The following LRRTM4 variants were observed in gnomAD, a reference collection of about 807,000 sequenced individuals.
The protein encoded by LRRTM4 is leucine-rich repeat transmembrane neuronal protein 4.
LRRTM4 carries 25 observed loss-of-function variants against 47.6 expected under a neutral mutation model. That is an observed-to-expected ratio of 0.53 (90% CI 0.38 to 0.73). The LOEUF (loss-of-function observed/expected upper bound fraction) is 0.73, where lower values mean the gene tolerates loss of function less well. Among genes scored for constraint, LRRTM4 ranks in the 30% least tolerant of loss-of-function variants. The pLI, the probability that LRRTM4 is intolerant of heterozygous loss-of-function variation, is 0.00. For synonymous variants in LRRTM4, 311 were observed against 269.5 expected, an observed-to-expected ratio of 1.15 and a Z score of -1.51; for missense variants, 638 against 713.4, an observed-to-expected ratio of 0.89 and a Z score of 1.20.
At chr2:77,300,009 G>C (rs970883209) in intron 3 of LRRTM4, among the ~76,000 whole-genome samples, 1 of 151,742 alleles carries the variant, frequency 6.6e-6, no homozygotes, top group Non-Finnish European at 1.5e-5. Flanking sequence ...GCGCCACCAC[G>C]CCCAGCTAAT....
rs771890946 is a variant in LRRTM4, at chr2:77,326,323, G to A, written c.1551+191995C>T. On this transcript the variant is annotated intron_variant, in intron 3 of 3. Transcript: ENST00000409884. ...CTTGTTAATCTGTCTTCTGTTATAG[G>A]AGCCTCAGGCACAAACCTAGAAATT... Among the ~76,000 whole-genome samples the A allele has an allele frequency of 9.9e-5, 15 of 152,176 alleles. 1 individual carries two copies. The South Asian group carries it at 3.1e-3, about 32-fold the overall frequency.
At chr2:76,964,728 C>A (rs1675967517) in intron 3 of LRRTM4, among the ~76,000 whole-genome samples, 1 of 147,420 alleles carries the variant, frequency 6.8e-6, no homozygotes, top group African/African-American at 2.5e-5. Context: ...AGAACAGAAA[C>A]AATTAAAACT....
chr2:76,865,704 C>G (rs1449965939), intron 3 of LRRTM4, among the ~76,000 whole-genome samples: 7 of 152,036 alleles, frequency 4.6e-5, no homozygotes. Context: ...AGGAATAAAT[C>G]AGAGAGAAGT....
chr2:77,207,866 C>CTT (rs754540782), intron 3 of LRRTM4, among the ~76,000 whole-genome samples: 1,790 of 42,582 alleles, frequency 0.042, 541 homozygotes, highest in African/African-American at 0.14. Flanking sequence ...GGGAAAGTGG[C>CTT]TTTTTTTTTT....
intron 3 of LRRTM4, among the ~76,000 whole-genome samples, chr2:76,780,622 G>A (rs1002163386): frequency 6.6e-6 from 1 of 151,916 alleles, no homozygotes; most frequent in South Asian, 2.1e-4. Context: ...CCTCCTTTAA[G>A]CACTTCTCTG....
rs138859221 is a variant in LRRTM4, at chr2:77,061,267, T to A, written c.1552-312351A>T. Among the ~76,000 whole-genome samples, 25 of 152,290 alleles carry A rather than the reference T, an allele frequency of 1.6e-4. No individual in the cohort carries two copies. In the East Asian group the frequency reaches 4.6e-3, roughly 28 times the overall value. ...AATTATTGTGTTTATACTTGGCCAA[T>A]CTTGAAAATAAGTTTATATTGCTAA... On this transcript the variant is annotated intron_variant, in intron 3 of 3. Transcript: ENST00000409884.
chr2:76,952,581 A>G (rs1402067940), intron 3 of LRRTM4, among the ~76,000 whole-genome samples: 2 of 151,980 alleles, frequency 1.3e-5, no homozygotes, highest in Non-Finnish European at 1.5e-5. Flanking sequence ...ACACTTATAC[A>G]CTGTTTGTGG....
At chr2:76,780,399 A>G (rs1033018671) in intron 3 of LRRTM4, among the ~76,000 whole-genome samples, 9 of 152,136 alleles carry the variant, frequency 5.9e-5, no homozygotes, top group African/African-American at 2.2e-4. Flanking sequence ...CAGGTACACC[A>G]ATCAGACGTA....
intron 3 of LRRTM4, among the ~76,000 whole-genome samples, chr2:76,805,884 C>G (rs1053147642): frequency 2.0e-5 from 3 of 152,088 alleles, no homozygotes; most frequent in Non-Finnish European, 2.9e-5. Flanking sequence ...CTTAGAGGTG[C>G]TGTTTTCCCT....
At chr2:77,092,831 G>A (rs1193718678) in intron 3 of LRRTM4, among the ~76,000 whole-genome samples, 1 of 142,154 alleles carries the variant, frequency 7.0e-6, no homozygotes, top group Non-Finnish European at 1.5e-5. Context: ...CAGGCTCTTA[G>A]TATTCAGCGA....
intron 3 of LRRTM4, among the ~76,000 whole-genome samples, chr2:76,969,524 T>C (rs1319819200): frequency 6.6e-6 from 1 of 151,888 alleles, no homozygotes; most frequent in African/African-American, 2.4e-5. Context: ...AAACCTATTA[T>C]TGGAACCTGT....
intron 3 of LRRTM4, among the ~76,000 whole-genome samples, chr2:77,379,002 T>C (rs1672945236): frequency 6.6e-6 from 1 of 152,164 alleles, no homozygotes; most frequent in African/African-American, 2.4e-5. Flanking sequence ...TCTAATATTG[T>C]TGTCATTTGT....
At chr2:77,491,018 C>T (rs1678133040) in intron 3 of LRRTM4, among the ~76,000 whole-genome samples, 1 of 150,208 alleles carries the variant, frequency 6.7e-6, no homozygotes, top group African/African-American at 2.5e-5. Context: ...ACAGAATATC[C>T]AAATGAGAAT....
At chr2:76,892,182 G>C (rs939328634) in intron 3 of LRRTM4, among the ~76,000 whole-genome samples, 1 of 151,322 alleles carries the variant, frequency 6.6e-6, no homozygotes, top group African/African-American at 2.4e-5. Context: ...TATGAAGAAT[G>C]CATTCATCTC....
intron 3 of LRRTM4, among the ~76,000 whole-genome samples, chr2:77,465,109 C>G (rs2103979998): frequency 6.6e-6 from 1 of 152,188 alleles, no homozygotes; most frequent in Non-Finnish European, 1.5e-5. Context: ...AAGTCCCACA[C>G]TGTAATATAG....
chr2:77,048,375 G>A (rs1379363141), intron 3 of LRRTM4, among the ~76,000 whole-genome samples: 1 of 151,886 alleles, frequency 6.6e-6, no homozygotes, highest in Non-Finnish European at 1.5e-5. Context: ...GAATTATTTG[G>A]CATTAAAAAG....
At chr2:77,406,911 A>T (rs1674213673) in intron 3 of LRRTM4, among the ~76,000 whole-genome samples, 1 of 152,174 alleles carries the variant, frequency 6.6e-6, no homozygotes, top group Non-Finnish European at 1.5e-5. Context: ...GTGGGAAATA[A>T]CTGGGGAAAT....
chr2:76,758,039 T>G (rs968036127), intron 3 of LRRTM4, among the ~76,000 whole-genome samples: 1 of 152,138 alleles, frequency 6.6e-6, no homozygotes, highest in African/African-American at 2.4e-5. Context: ...ATATTTAGAG[T>G]AGCCTATTTC....
At chr2:77,117,331 T>C (rs1330060117) in intron 3 of LRRTM4, among the ~76,000 whole-genome samples, 1 of 152,018 alleles carries the variant, frequency 6.6e-6, no homozygotes, top group African/African-American at 2.4e-5. Flanking sequence ...TCACAGGATT[T>C]TTGCTGTAAA....
Sources: allele counts gnomAD v4.1 joint callset (sites outside exome capture counted in the v4.1 genomes callset), GRCh38; gene constraint gnomAD v4.1.1; transcripts MANE v1.5; gene names NCBI Gene and HGNC (gene_info 2026-07-23, HGNC 2026-07-21).